The following MAPK10 variants were observed in gnomAD, a reference collection of about 807,000 sequenced individuals.
MAPK10 encodes the protein JNK3 alpha protein kinase.
MAPK10 carries 25 observed loss-of-function variants against 59.3 expected under a neutral mutation model. The observed-to-expected ratio is 0.42, with a 90% CI of 0.31 to 0.59. MAPK10 has a LOEUF of 0.59. Ranked by LOEUF, MAPK10 falls within the 20% of genes least tolerant of loss-of-function variation. The probability of loss-of-function intolerance (pLI) is 0.15; values close to 1 mark genes in which losing one functional copy is unlikely to be tolerated. For missense variants in MAPK10, 351 were observed against 568.9 expected, an observed-to-expected ratio of 0.62 and a Z score of 3.90; for synonymous variants, 190 against 200.5, an observed-to-expected ratio of 0.95 and a Z score of 0.44.
rs1022224204 is a variant in MAPK10, at chr4:86,584,745, T to C, written c.-263+9165A>G. Reference sequence around the variant, plus strand: ...CAAGTGTGATCCACCTTGCCTGGCCTAAATTTGCATTATTAATGTAACTGG... The same window carrying C: ...CAAGTGTGATCCACCTTGCCTGGCCCAAATTTGCATTATTAATGTAACTGG... On this transcript the variant is annotated intron_variant, in intron 1 of 4. Coordinates refer to the MAPK10 transcript ENST00000502302. 2.0e-5 allele frequency among the ~76,000 whole-genome samples: 3 copies of C among 152,300 alleles called. No individual in the cohort carries two copies. The East Asian group carries it at 5.8e-4, about 29-fold the overall frequency.
At chr4:86,437,883 G>T (rs1217087203) in intron 1 of MAPK10, among the ~76,000 whole-genome samples, 1 of 152,148 alleles carries the variant, frequency 6.6e-6, no homozygotes, top group African/African-American at 2.4e-5. Context: ...ACTGTACTAT[G>T]CTCACTCAAT....
In MAPK10 at chr4:86,017,222, G is replaced by A. The variant is rs780783337; in HGVS notation, c.*6C>T. The A allele has an allele frequency of 8.7e-6, 14 of 1,613,406 alleles. 1 individual carries two copies. Among genetic ancestry groups the A allele is most frequent in the South Asian group, 3.3e-5 (3 of 91,020 alleles). On this transcript the variant is annotated 3_prime_UTR_variant, in exon 14 of 14. Transcript: ENST00000641462. This position sits in a 1 kb window ranked among gnomAD's most constrained non-coding sequence, Gnocchi z 4.4. ...AGAACGCTGGGTTTCGCAGGCAGGC[G>A]GCTAGTCACCTGCAACAACCCAGGG... is the stretch of plus-strand genomic sequence containing the variant.
intron 13 of MAPK10, chr4:86,028,052 CT>C (rs1364322460): frequency 6.6e-6 from 1 of 152,198 alleles, no homozygotes; most frequent in East Asian, 1.9e-4. Flanking sequence ...ACAATATGTT[CT>C]GGTCATTATA....
chr4:86,250,549 C>T (rs1438253465), intron 2 of MAPK10, among the ~76,000 whole-genome samples: 1 of 152,108 alleles, frequency 6.6e-6, no homozygotes, highest in Non-Finnish European at 1.5e-5. Context: ...AACATCTATC[C>T]AACTTTGAAG....
intron 3 of MAPK10, among the ~76,000 whole-genome samples, chr4:86,163,999 A>G (rs2070749220): frequency 6.6e-6 from 1 of 152,156 alleles, no homozygotes; most frequent in East Asian, 1.9e-4. Flanking sequence ...CCTATATTTC[A>G]GAAGCATTCT....
At chr4:86,346,636 C>G (rs1265253776) in intron 2 of MAPK10, among the ~76,000 whole-genome samples, 1 of 151,778 alleles carries the variant, frequency 6.6e-6, no homozygotes, top group Non-Finnish European at 1.5e-5. Context: ...TCCACACATA[C>G]TCAAGTCCAA....
intron 3 of MAPK10, among the ~76,000 whole-genome samples, chr4:86,180,376 G>C (rs940158713): frequency 6.6e-6 from 1 of 151,526 alleles, no homozygotes; most frequent in Non-Finnish European, 1.5e-5. Context: ...CTTATACACT[G>C]TTGGTGGGAA....
At chr4:86,227,174 G>A (rs2148655941) in intron 2 of MAPK10, among the ~76,000 whole-genome samples, 1 of 152,132 alleles carries the variant, frequency 6.6e-6, no homozygotes, top group African/African-American at 2.4e-5. Context: ...TATCTACTTT[G>A]CAGAATATAA....
chr4:86,593,643 A>AAT (rs1763278930), intron 1 of MAPK10: 1 of 152,194 alleles, frequency 6.6e-6, no homozygotes, highest in Admixed American at 6.5e-5. Context: ...TTTTTTCAAA[A>AAT]ATATGAGAAT....
At chr4:86,219,404 G>C (rs1166913976) in intron 2 of MAPK10, among the ~76,000 whole-genome samples, 1 of 152,124 alleles carries the variant, frequency 6.6e-6, no homozygotes, top group Non-Finnish European at 1.5e-5. Flanking sequence ...GTAAAATAAA[G>C]GAAGAAAAGG....
At chr4:86,472,974 T>C (rs1421496007) in intron 1 of MAPK10, among the ~76,000 whole-genome samples, 4 of 152,206 alleles carry the variant, frequency 2.6e-5, no homozygotes. Flanking sequence ...TGTACTTTCA[T>C]TTTCAATAGA....
chr4:86,479,858 A>T lies in MAPK10; in HGVS notation c.-263+114052T>A, dbSNP rs570680994. ...TATAAGACAAATGTTTCTTCTAACAACCCCACAATATCCCCCCTTACCACA... is the reference window on the plus strand; with the variant it reads ...TATAAGACAAATGTTTCTTCTAACATCCCCACAATATCCCCCCTTACCACA... On this transcript the variant is annotated intron_variant, in intron 1 of 4. Transcript: ENST00000502302. Among the ~76,000 whole-genome samples, 45 of 152,082 alleles carry T rather than the reference A, an allele frequency of 3.0e-4. 1 individual carries two copies. Among genetic ancestry groups the T allele is most frequent in the Admixed American group, 1.5e-3 (23 of 15,266 alleles).
intron 2 of MAPK10, among the ~76,000 whole-genome samples, chr4:86,266,618 A>T (rs1330891461): frequency 1.3e-5 from 2 of 152,174 alleles, no homozygotes; most frequent in African/African-American, 4.8e-5. Flanking sequence ...ATCATGTAAA[A>T]ATAAATAAAT....
At chr4:86,178,606 C>G (rs2076210896) in intron 3 of MAPK10, among the ~76,000 whole-genome samples, 1 of 152,026 alleles carries the variant, frequency 6.6e-6, no homozygotes, top group South Asian at 2.1e-4. Flanking sequence ...AACCTTAAAG[C>G]TTTTCCTCTA....
At position 86,235,088 on chromosome 4, in the gene MAPK10, A is replaced by T. The variant is rs115568962; in HGVS notation, c.-6-40681T>A. Among the ~76,000 whole-genome samples, 447 of 152,316 alleles carry T rather than the reference A, an allele frequency of 2.9e-3. 4 individuals are homozygous for T. The highest frequency in any genetic ancestry group is 0.01 in the African/African-American group (436 of 41,560). ...ATAATATAGAAACTTGAAGCATCAC[A>T]TCTGTGTTTTTTGCACAAATTAACT... On this transcript the variant is annotated intron_variant, in intron 2 of 13. Transcript: ENST00000641462.
chr4:86,185,905 CCTATTTGACAT>C (rs60252223), intron 3 of MAPK10, among the ~76,000 whole-genome samples: 22,656 of 151,882 alleles, frequency 0.15, 1,762 homozygotes, highest in African/African-American at 0.2. Context: ...GTCTGATATG[CCTATTTGACAT>C]CTAAGTGGAG....
intron 2 of MAPK10, among the ~76,000 whole-genome samples, chr4:86,226,373 T>C (rs1220596093): frequency 6.6e-6 from 1 of 152,220 alleles, no homozygotes; most frequent in Non-Finnish European, 1.5e-5. Context: ...TTTAAAATCC[T>C]TAGATGATGC....
At chr4:86,318,554 G>A (rs1415436864) in intron 2 of MAPK10, among the ~76,000 whole-genome samples, 1 of 152,036 alleles carries the variant, frequency 6.6e-6, no homozygotes, top group African/African-American at 2.4e-5. Flanking sequence ...ATATAATAAG[G>A]AGAAATAATC....
chr4:86,106,868 G>A (rs1036772548), intron 5 of MAPK10: 1 of 154,176 alleles, frequency 6.5e-6, no homozygotes, highest in African/African-American at 2.4e-5. Context: ...AAATTATAAA[G>A]AAATGTAGCA....
Sources: allele counts gnomAD v4.1 joint callset (sites outside exome capture counted in the v4.1 genomes callset), GRCh38; gene constraint gnomAD v4.1.1; non-coding constraint Gnocchi (gnomAD v3.1); transcripts MANE v1.5; gene names NCBI Gene and HGNC (gene_info 2026-07-23, HGNC 2026-07-21).